IL1RAPL2: variants seen among roughly 807,000 people sequenced by gnomAD.
The protein encoded by IL1RAPL2 is interleukin 1 receptor accessory protein like 2.
In IL1RAPL2, 3 loss-of-function variants were observed where a neutral mutation model predicts 44.1. The observed-to-expected ratio is 0.07, with a 90% CI of 0.03 to 0.18. The LOEUF (loss-of-function observed/expected upper bound fraction) is 0.18, where lower values mean the gene tolerates loss of function less well. IL1RAPL2 is among the 10% of genes least tolerant of loss of function. IL1RAPL2 has a pLI of 1.00. For synonymous variants in IL1RAPL2, 181 were observed against 178.8 expected (o/e 1.01, Z -0.10); for missense variants, 391 against 496.4 (o/e 0.79, Z 2.02).
chrX:104,676,679 A>G lies in IL1RAPL2; in HGVS notation c.82+17684A>G, dbSNP rs1231398487. ...TAGATTGGGGAAGTTCTCCTGGATA[A>G]TATCCTGCAGAGTGTTTTCCAACTT... On this transcript the variant is annotated intron_variant, in intron 2 of 10. Coordinates refer to ENST00000372582, the MANE Select transcript of IL1RAPL2 (RefSeq NM_017416.2). Among the ~76,000 whole-genome samples, 4 of 111,737 alleles carry G rather than the reference A, an allele frequency of 3.6e-5. No homozygotes were observed. The East Asian group carries it at 8.5e-4, about 24-fold the overall frequency.
At chrX:104,828,962 G>A (rs979049406) in intron 2 of IL1RAPL2, among the ~76,000 whole-genome samples, 3 of 111,898 alleles carry the variant, frequency 2.7e-5, no homozygotes, top group Non-Finnish European at 3.8e-5. Flanking sequence ...TCTCAGTAAT[G>A]GCAGACGCCC....
rs181778977 is a variant in IL1RAPL2 at position 104,783,635 on chromosome X, T to C, written c.82+124640T>C. Among the ~76,000 whole-genome samples the C allele has an allele frequency of 8.2e-5, 9 of 109,805 alleles. No individual in the cohort carries two copies. In the East Asian group the frequency reaches 2.6e-3, roughly 31 times the overall value. On this transcript the variant is annotated intron_variant, in intron 2 of 10. Coordinates refer to ENST00000372582, the MANE Select transcript of IL1RAPL2 (RefSeq NM_017416.2). ...GGTATTTTATTTTGGCTTAAATCTGTTTTTATTGCTCAAATATTGTCAGCA... is the reference window on the plus strand; with the variant it reads ...GGTATTTTATTTTGGCTTAAATCTGCTTTTATTGCTCAAATATTGTCAGCA...
At chrX:104,604,619 G>C (rs1469907258) in intron 1 of IL1RAPL2, among the ~76,000 whole-genome samples, 2 of 73,261 alleles carry the variant, frequency 2.7e-5, no homozygotes, top group East Asian at 9.2e-4. Flanking sequence ...AATATTTACT[G>C]AGGAAATGCA....
At position 105,294,987 on chromosome X, in the gene IL1RAPL2, T is replaced by C. The variant is rs910329020; in HGVS notation, c.697+27446T>C. Among the ~76,000 whole-genome samples, 27 of 111,345 alleles carry C rather than the reference T, an allele frequency of 2.4e-4. 1 individual carries two copies. The Admixed American group carries it at 2.5e-3, about 10-fold the overall frequency. On this transcript the variant is annotated intron_variant, in intron 5 of 10. Coordinates refer to ENST00000372582, the MANE Select transcript of IL1RAPL2 (RefSeq NM_017416.2). Reference sequence around the variant, plus strand: ...ATGGGCTAGAGTAGGTATTTTTCGATTGGTGAAGAAAAAGAAAAATTGGTC... The same window carrying C: ...ATGGGCTAGAGTAGGTATTTTTCGACTGGTGAAGAAAAAGAAAAATTGGTC...
chrX:104,736,575 C>T (rs1481108190), intron 2 of IL1RAPL2, among the ~76,000 whole-genome samples: 2 of 112,246 alleles, frequency 1.8e-5, no homozygotes, highest in East Asian at 5.6e-4. Flanking sequence ...TTCTATGCTT[C>T]TATCTGCATT....
chrX:105,119,505 A>G (rs2032898501), intron 2 of IL1RAPL2, among the ~76,000 whole-genome samples: 1 of 111,349 alleles, frequency 9.0e-6, no homozygotes, highest in Non-Finnish European at 1.9e-5. Flanking sequence ...CTTAATTTCT[A>G]CTTCCCCACA....
intron 2 of IL1RAPL2, among the ~76,000 whole-genome samples, chrX:104,797,965 C>T (rs1932861148): frequency 9.0e-6 from 1 of 111,624 alleles, no homozygotes; most frequent in Non-Finnish European, 1.9e-5. Context: ...TAAAAATGAC[C>T]CAGCAAGATA....
chrX:105,043,025 C>G (rs1455695652), intron 2 of IL1RAPL2, among the ~76,000 whole-genome samples: 4 of 90,083 alleles, frequency 4.4e-5, no homozygotes, highest in East Asian at 3.6e-4. Flanking sequence ...GGGAATTGAA[C>G]AATGAGAACA....
At chrX:105,335,155 T>C (rs987431641) in intron 5 of IL1RAPL2, among the ~76,000 whole-genome samples, 1 of 110,652 alleles carries the variant, frequency 9.0e-6, no homozygotes, top group Non-Finnish European at 1.9e-5. Flanking sequence ...TGCCCTCATT[T>C]TGGTTACCTT....
intron 2 of IL1RAPL2, among the ~76,000 whole-genome samples, chrX:105,001,175 C>A (rs756444621): frequency 4.5e-5 from 5 of 111,605 alleles, no homozygotes; most frequent in Non-Finnish European, 9.4e-5. Context: ...GCCAGCTAAC[C>A]TTTTGGTGCC....
chrX:104,934,462 A>G (rs1234836246), intron 2 of IL1RAPL2, among the ~76,000 whole-genome samples: 1 of 111,647 alleles, frequency 9.0e-6, no homozygotes, highest in East Asian at 2.8e-4. Context: ...GCTGCAGAGA[A>G]CAGAATTGAC....
intron 2 of IL1RAPL2, among the ~76,000 whole-genome samples, chrX:104,737,065 A>T (rs1264053152): frequency 8.9e-6 from 1 of 112,582 alleles, no homozygotes; most frequent in African/African-American, 3.2e-5. Context: ...AGTTGAATCA[A>T]CGTCATCCAG....
At chrX:104,660,881 CGA>C (rs998050038) in intron 2 of IL1RAPL2, among the ~76,000 whole-genome samples, 5 of 104,086 alleles carry the variant, frequency 4.8e-5, no homozygotes, top group Non-Finnish European at 9.7e-5. Context: ...GTTGGTGAGC[CGA>C]GATCATGCCA....
chrX:105,465,097 C>T (rs1223911520), intron 5 of IL1RAPL2, among the ~76,000 whole-genome samples: 1 of 111,960 alleles, frequency 8.9e-6, no homozygotes, highest in African/African-American at 3.2e-5. Flanking sequence ...TGTAATGAAG[C>T]TTGGAATTGA....
chrX:104,809,159 A>G (rs1029286654), intron 2 of IL1RAPL2, among the ~76,000 whole-genome samples: 7 of 111,739 alleles, frequency 6.3e-5, no homozygotes, highest in African/African-American at 2.3e-4. Context: ...GTAGGGTTAT[A>G]TTACTGTTCA....
chrX:104,852,936 C>G (rs1367112262), intron 2 of IL1RAPL2, among the ~76,000 whole-genome samples: 1 of 111,542 alleles, frequency 9.0e-6, no homozygotes, highest in Non-Finnish European at 1.9e-5. Context: ...CTCAGAAAAC[C>G]TGGATGATGG....
chrX:105,666,892 G>A (rs1043346821), intron 6 of IL1RAPL2, among the ~76,000 whole-genome samples: 9 of 111,815 alleles, frequency 8.0e-5, no homozygotes, highest in East Asian at 5.7e-4. Context: ...CTGACTGCAC[G>A]TCCATTCATA....
In IL1RAPL2 at chrX:105,719,574, C is replaced by T. The variant is rs890652256; in HGVS notation, c.902+2078C>T. ...ACATTTTCATCACTCTAAAAGGAAA[C>T]GTTGTACCCATCAAGCAGTCTGGGG... On this transcript the variant is annotated intron_variant, in intron 7 of 10. Transcript: ENST00000372582. Among the ~76,000 whole-genome samples the T allele has an allele frequency of 6.3e-5, 7 of 111,024 alleles. No individual in the cohort carries two copies. In the Admixed American group the frequency reaches 6.7e-4, roughly 11 times the overall value.
chrX:105,464,297 CACTT>C (rs965374839), intron 5 of IL1RAPL2, among the ~76,000 whole-genome samples: 2 of 111,822 alleles, frequency 1.8e-5, no homozygotes, highest in East Asian at 5.6e-4. Flanking sequence ...CTATTATTCT[CACTT>C]ACTTAGGGGG....
Sources: gnomAD v4.1 joint callset for allele counts (sites outside exome capture counted in the v4.1 genomes callset) on GRCh38, gnomAD v4.1.1 for gene constraint, MANE v1.5 for transcripts, NCBI Gene and HGNC (gene_info 2026-07-23, HGNC 2026-07-21) for gene names.